Variants in TRPM3 observed in about 807,000 individuals in gnomAD.
TRPM3 encodes the protein transient receptor potential cation channel subfamily M member 3.
Under a neutral mutation model 181.2 loss-of-function variants are expected in TRPM3, and 77 were observed. The ratio of observed to expected loss-of-function variants is 0.42; its 90% CI spans 0.35 to 0.51. TRPM3 has a LOEUF of 0.51. Among genes scored for constraint, TRPM3 ranks in the 20% least tolerant of loss-of-function variants. The pLI is 0.01. For synonymous variants in TRPM3, 745 were observed against 796.4 expected, an observed-to-expected ratio of 0.94 and a Z score of 1.09; for missense variants, 1,759 against 2,196.7, an observed-to-expected ratio of 0.80 and a Z score of 3.98.
intron 1 of TRPM3, among the ~76,000 whole-genome samples, chr9:71,113,897 G>C (rs1274480003): frequency 1.3e-5 from 2 of 152,074 alleles, no homozygotes; most frequent in Non-Finnish European, 2.9e-5. Flanking sequence ...CATTCATCTG[G>C]GTTGTTTGTG....
At chr9:71,369,478 G>A (rs9987681) in intron 1 of TRPM3, among the ~76,000 whole-genome samples, 72,160 of 151,930 alleles carry the variant, frequency 0.47, 18,100 homozygotes, top group East Asian at 0.6. Context: ...ATGCAAATGA[G>A]GCTGAAGGGA....
intron 1 of TRPM3, among the ~76,000 whole-genome samples, chr9:71,420,813 A>AAG (rs1341225975): frequency 9.1e-5 from 1 of 10,942 alleles, no homozygotes; most frequent in African/African-American, 6.4e-4. Flanking sequence ...GAGAGAAAGA[A>AAG]AGAGAGAAAG....
intron 1 of TRPM3, among the ~76,000 whole-genome samples, chr9:70,918,773 C>A (rs2096626562): frequency 6.6e-6 from 1 of 151,900 alleles, no homozygotes; most frequent in Admixed American, 6.6e-5. Context: ...AAGATCAGAG[C>A]AGAAATAACT....
chr9:70,835,588 T>C (rs554656285), intron 5 of TRPM3, among the ~76,000 whole-genome samples: 1 of 152,090 alleles, frequency 6.6e-6, no homozygotes, highest in East Asian at 1.9e-4. Context: ...CCGAATACCA[T>C]CCCTTCTCCA....
rs543672281 is a variant in TRPM3, at chr9:71,184,972, T to C, written c.183+261681A>G. Among the ~76,000 whole-genome samples, 7 of 152,158 alleles carry C rather than the reference T, an allele frequency of 4.6e-5. No individual in the cohort carries two copies. In the South Asian group the frequency reaches 1.4e-3, roughly 32 times the overall value. ...ACACATACACACACAAATACACAAA[T>C]TAGAGCAGCAGATGCCAAGATGTAG... On this transcript the variant is annotated intron_variant, in intron 1 of 24. Coordinates refer to the TRPM3 transcript ENST00000357533.
intron 1 of TRPM3, among the ~76,000 whole-genome samples, chr9:71,062,947 C>A (rs756074825): frequency 6.6e-6 from 1 of 151,992 alleles, no homozygotes; most frequent in Non-Finnish European, 1.5e-5. Context: ...TATAAGTTAC[C>A]CAGTTTGTGA....
At chr9:71,409,997 C>T (rs1391243670) in intron 1 of TRPM3, among the ~76,000 whole-genome samples, 1 of 152,170 alleles carries the variant, frequency 6.6e-6, no homozygotes, top group East Asian at 1.9e-4. Flanking sequence ...ACAACCTGCT[C>T]CTGAATGACT....
chr9:70,890,476 G>GT (rs1341427672), intron 1 of TRPM3, among the ~76,000 whole-genome samples: 1 of 152,094 alleles, frequency 6.6e-6, no homozygotes, highest in East Asian at 1.9e-4. Flanking sequence ...AGGGGTCACT[G>GT]TGAGTGGCCA....
intron 1 of TRPM3, among the ~76,000 whole-genome samples, chr9:71,351,571 A>T (rs1003977767): frequency 1.3e-5 from 2 of 152,254 alleles, no homozygotes; most frequent in African/African-American, 2.4e-5. Context: ...CTTTTTAAAC[A>T]GTCAAATACT....
At chr9:71,374,071 C>G (rs908649527) in intron 1 of TRPM3, among the ~76,000 whole-genome samples, 6 of 152,116 alleles carry the variant, frequency 3.9e-5, no homozygotes, top group Non-Finnish European at 7.4e-5. Flanking sequence ...ATTCAACATC[C>G]CTTCATGTTA....
intron 1 of TRPM3, among the ~76,000 whole-genome samples, chr9:71,302,282 T>C (rs1565440963): frequency 6.6e-6 from 1 of 152,220 alleles, no homozygotes; most frequent in Non-Finnish European, 1.5e-5. Flanking sequence ...TAAATATTAG[T>C]AAATACTTCA....
intron 1 of TRPM3, among the ~76,000 whole-genome samples, chr9:71,418,391 G>T (rs1191637701): frequency 6.6e-6 from 1 of 151,842 alleles, no homozygotes; most frequent in Non-Finnish European, 1.5e-5. Flanking sequence ...AATACAAATG[G>T]TCTCATCAGG....
intron 8 of TRPM3, among the ~76,000 whole-genome samples, chr9:70,752,047 T>TGCGC (rs1419518557): frequency 1.2e-4 from 12 of 97,790 alleles, no homozygotes; most frequent in African/African-American, 4.3e-4. Context: ...TGTGTGTGTG[T>TGCGC]GTGCGCGCGC....
chr9:70,853,578 A>G (rs2095303658), intron 3 of TRPM3, among the ~76,000 whole-genome samples: 1 of 152,234 alleles, frequency 6.6e-6, no homozygotes. Context: ...TAGTAAGGCC[A>G]CAATAAATAT....
At chr9:71,257,362 A>G (rs1327468792) in intron 1 of TRPM3, among the ~76,000 whole-genome samples, 1 of 152,132 alleles carries the variant, frequency 6.6e-6, no homozygotes, top group East Asian at 1.9e-4. Context: ...CCAGGTTGTC[A>G]AATAGAGTAA....
intron 1 of TRPM3, among the ~76,000 whole-genome samples, chr9:71,390,291 GTTT>G (rs751099786): frequency 1.3e-3 from 199 of 152,074 alleles, no homozygotes; most frequent in Middle Eastern, 6.8e-3. Context: ...AATTTACTAT[GTTT>G]TTTATACACA....
At chr9:70,663,093 C>G (rs1277989760) in intron 9 of TRPM3, among the ~76,000 whole-genome samples, 1 of 152,060 alleles carries the variant, frequency 6.6e-6, no homozygotes, top group Non-Finnish European at 1.5e-5. Flanking sequence ...TTTGCAGCAG[C>G]TTGGGTGGAG....
intron 1 of TRPM3, among the ~76,000 whole-genome samples, chr9:70,865,857 T>C (rs2095639538): frequency 6.6e-6 from 1 of 152,074 alleles, no homozygotes; most frequent in Non-Finnish European, 1.5e-5. Flanking sequence ...TGGGTGTTCA[T>C]GCATTGTCCA....
At chr9:70,992,578 C>A (rs1279698930) in intron 1 of TRPM3, among the ~76,000 whole-genome samples, 1 of 152,204 alleles carries the variant, frequency 6.6e-6, no homozygotes, top group Admixed American at 6.5e-5. Context: ...TCTATAATAT[C>A]TGCACTGTAC....
Sources: allele counts gnomAD v4.1 joint callset (sites outside exome capture counted in the v4.1 genomes callset), GRCh38; gene constraint gnomAD v4.1.1; transcripts MANE v1.5; gene names NCBI Gene and HGNC (gene_info 2026-07-23, HGNC 2026-07-21).